Variants in ABLIM2 observed in about 807,000 individuals in gnomAD.
The protein encoded by ABLIM2 is actin-binding LIM protein 2.
In ABLIM2, 53 loss-of-function variants were observed where a neutral mutation model predicts 97.7. The observed-to-expected ratio is 0.54, with a 90% CI of 0.44 to 0.68. The LOEUF is 0.68. ABLIM2 is among the 30% of genes least tolerant of loss of function. The probability of loss-of-function intolerance (pLI) is 0.00; values close to 1 mark genes in which losing one functional copy is unlikely to be tolerated. For synonymous variants in ABLIM2, 361 were observed against 345.8 expected, an observed-to-expected ratio of 1.04 and a Z score of -0.49; for missense variants, 835 against 867.2, an observed-to-expected ratio of 0.96 and a Z score of 0.47.
rs1484812857 is a variant in ABLIM2 at position 8,082,332 on chromosome 4, G to C, written c.455-1530C>G. On this transcript the variant is annotated intron_variant, in intron 4 of 20. Transcript: ENST00000447017. The surrounding 1 kb of genome is among the most constrained non-coding windows in gnomAD (Gnocchi z 5.6). ...GGGAGCCCCCATTTCCTCATCGTGG[G>C]GTGGGGTGATCACCTCCTCACTTGG... Among the ~76,000 whole-genome samples the C allele has an allele frequency of 6.6e-6, 1 of 152,198 alleles. No individual in the cohort carries two copies. Among genetic ancestry groups the C allele is most frequent in the African/African-American group, 2.4e-5 (1 of 41,444 alleles).
intron 17 of ABLIM2, among the ~76,000 whole-genome samples, chr4:7,985,444 T>C (rs1016163922): frequency 7.2e-5 from 11 of 152,038 alleles, no homozygotes; most frequent in African/African-American, 2.4e-4. Context: ...CTGGCTGCCG[T>C]CTTCTGGCAC....
intron 11 of ABLIM2, among the ~76,000 whole-genome samples, chr4:8,028,576 C>G (rs1356077008): frequency 1.3e-5 from 2 of 152,216 alleles, no homozygotes; most frequent in Non-Finnish European, 2.9e-5. Flanking sequence ...CTTGCTCACT[C>G]ACTCATTCAA....
At chr4:7,977,051 G>A (rs1734044782) in intron 20 of ABLIM2, among the ~76,000 whole-genome samples, 1 of 152,144 alleles carries the variant, frequency 6.6e-6, no homozygotes, top group African/African-American at 2.4e-5. Flanking sequence ...CCCCACATGT[G>A]GAGGGAGGGA....
chr4:7,983,392 C>G, intron 19 of ABLIM2, 48 bp from the exon 20 acceptor site: 1 of 1,593,086 alleles, frequency 6.3e-7, no homozygotes, highest in Non-Finnish European at 8.6e-7. Flanking sequence ...CAAGTGTATG[C>G]TGGCACCAAA....
rs1852093428 is a variant in ABLIM2 at position 8,147,932 on chromosome 4, G to A, written c.10+10748C>T. 6.6e-6 allele frequency among the ~76,000 whole-genome samples: 1 copy of A among 152,214 alleles called. No individual in the cohort carries two copies. The highest frequency in any genetic ancestry group is 2.4e-5 in the African/African-American group (1 of 41,452). On this transcript the variant is annotated intron_variant, in intron 1 of 20. Transcript: ENST00000447017. This position sits in a 1 kb window ranked among gnomAD's most constrained non-coding sequence, Gnocchi z 5.3. The stretch of plus-strand genomic sequence containing the variant: ...CTGCACAAAACCCTTTCTTTAATGG[G>A]TGAATCGCCCTTTAATCACGAAGTC...
rs563859845 is a variant in ABLIM2 at position 8,023,317 on chromosome 4, C to T, written c.1268-3014G>A. On this transcript the variant is annotated intron_variant, in intron 12 of 20. Transcript: ENST00000447017. This position sits in a 1 kb window ranked among gnomAD's most constrained non-coding sequence, Gnocchi z 5.7. ...CAGGAAACATGACGTTCTGTCGGCA[C>T]GTCTCCCAAGGCTCCTCTCGGCTGC... is the stretch of plus-strand genomic sequence containing the variant. Among the ~76,000 whole-genome samples, 20 of 152,372 alleles carry T rather than the reference C, an allele frequency of 1.3e-4. No individual in the cohort carries two copies. Among genetic ancestry groups the T allele is most frequent in the Admixed American group, 3.9e-4 (6 of 15,308 alleles).
intron 1 of ABLIM2, among the ~76,000 whole-genome samples, chr4:8,136,818 C>T (rs1003371371): frequency 6.6e-6 from 1 of 152,284 alleles, no homozygotes; most frequent in African/African-American, 2.4e-5. Context: ...TTCCAGAGCA[C>T]ACAGCGGGGC....
At chr4:8,039,874 GTTTTTTTTTTTTTT>G (rs397947626) in intron 9 of ABLIM2, among the ~76,000 whole-genome samples, 1 of 108,630 alleles carries the variant, frequency 9.2e-6, no homozygotes, top group Admixed American at 1.0e-4. Flanking sequence ...GCTGATTACT[GTTTTTTTTTTTTTT>G]TTTTTTTTAA....
At position 8,122,881 on chromosome 4, in the gene ABLIM2, C is replaced by T. The variant is rs547976028; in HGVS notation, c.11-16244G>A. 3.2e-4 allele frequency among the ~76,000 whole-genome samples: 49 copies of T among 152,242 alleles called. No individual in the cohort carries two copies. The highest frequency in any genetic ancestry group is 3.4e-3 in the Middle Eastern group (1 of 294). ...CCTGGCCTTTTCCACCATGCCCCACCGCGTGGATGAGGGGATGGGAGAGGG... is the reference window on the plus strand; with the variant it reads ...CCTGGCCTTTTCCACCATGCCCCACTGCGTGGATGAGGGGATGGGAGAGGG... On this transcript the variant is annotated intron_variant, in intron 1 of 20. Transcript: ENST00000447017. The surrounding 1 kb of genome is among the most constrained non-coding windows in gnomAD (Gnocchi z 4.1).
chr4:8,030,741 C>A (rs917298419), intron 10 of ABLIM2, among the ~76,000 whole-genome samples: 1 of 152,240 alleles, frequency 6.6e-6, no homozygotes, highest in Admixed American at 6.5e-5. Flanking sequence ...TCTGCACAGC[C>A]CTGTCCACCT....
chr4:7,997,549 G>C (rs1305631054), intron 16 of ABLIM2, among the ~76,000 whole-genome samples: 1 of 152,066 alleles, frequency 6.6e-6, no homozygotes, highest in African/African-American at 2.4e-5. Context: ...ATTCTCTCCT[G>C]TCAAATTTTT....
rs907272034 is a variant in ABLIM2, at chr4:8,022,241, G to C, written c.1268-1938C>G. Among the ~76,000 whole-genome samples the C allele has an allele frequency of 6.6e-6, 1 of 152,146 alleles. No homozygotes were observed. Among genetic ancestry groups the C allele is most frequent in the Non-Finnish European group, 1.5e-5 (1 of 68,028 alleles). ...GGACCTGGGAGGCCAGGAAGGGCTG[G>C]TTTCTTCCTATCTGGAATCATGGCC... On this transcript the variant is annotated intron_variant, in intron 12 of 20. Coordinates refer to ENST00000447017, the MANE Select transcript of ABLIM2 (RefSeq NM_001130083.2). The surrounding 1 kb of genome is among the most constrained non-coding windows in gnomAD (Gnocchi z 7.8).
intron 2 of ABLIM2, among the ~76,000 whole-genome samples, chr4:8,098,015 G>A (rs1832603186): frequency 2.0e-5 from 3 of 152,142 alleles, no homozygotes; most frequent in Admixed American, 6.5e-5. Context: ...GGGAACACTC[G>A]CCCTCAGGAC....
At chr4:7,983,910 G>C (rs1227568681) in intron 18 of ABLIM2, among the ~76,000 whole-genome samples, 1 of 152,218 alleles carries the variant, frequency 6.6e-6, no homozygotes, top group Non-Finnish European at 1.5e-5. Context: ...GCATTTCAGG[G>C]GAAACTTTTA....
At chr4:8,042,280 A>G (rs28645361) in intron 9 of ABLIM2, among the ~76,000 whole-genome samples, 18,356 of 152,170 alleles carry the variant, frequency 0.12, 1,556 homozygotes, top group East Asian at 0.27. Flanking sequence ...CCCCAAAGCC[A>G]GCCATGAAGC....
chr4:8,142,949 A>G (rs1851219641), intron 1 of ABLIM2, among the ~76,000 whole-genome samples: 1 of 152,178 alleles, frequency 6.6e-6, no homozygotes, highest in South Asian at 2.1e-4. Flanking sequence ...GAGGAGGCAC[A>G]GGGACGTGGC....
intron 1 of ABLIM2, among the ~76,000 whole-genome samples, chr4:8,153,991 C>T (rs1476579610): frequency 3.8e-5 from 5 of 131,026 alleles, no homozygotes; most frequent in Non-Finnish European, 6.2e-5. Flanking sequence ...GAGATACAGT[C>T]TCACTCTGTC....
At chr4:7,979,993 G>C (rs1736700833) in intron 20 of ABLIM2, among the ~76,000 whole-genome samples, 1 of 152,224 alleles carries the variant, frequency 6.6e-6, no homozygotes, top group South Asian at 2.1e-4. Flanking sequence ...AAAAAGCACA[G>C]TCAAAAGATA....
chr4:8,091,586 TTATA>T (rs1223061622), intron 3 of ABLIM2, among the ~76,000 whole-genome samples: 22 of 29,864 alleles, frequency 7.4e-4, no homozygotes, highest in African/African-American at 5.6e-3. Flanking sequence ...TTATATAAAA[TTATA>T]TATATAATTA....
Sources: allele counts gnomAD v4.1 joint callset (sites outside exome capture counted in the v4.1 genomes callset), GRCh38; gene constraint gnomAD v4.1.1; non-coding constraint Gnocchi (gnomAD v3.1); transcripts MANE v1.5; gene names NCBI Gene and HGNC (gene_info 2026-07-23, HGNC 2026-07-21).